ANKS1B: variants seen among roughly 807,000 people sequenced by gnomAD.
ANKS1B encodes ankyrin repeat and sterile alpha motif domain-containing protein 1B.
Under a neutral mutation model 148.3 loss-of-function variants are expected in ANKS1B, and 36 were observed. That is an observed-to-expected ratio of 0.24 (90% CI 0.19 to 0.32). The LOEUF is 0.32. ANKS1B is among the 10% of genes least tolerant of loss of function. ANKS1B has a pLI of 1.00. For missense variants in ANKS1B, 1,157 were observed against 1,542.6 expected (o/e 0.75, Z 4.19); for synonymous variants, 542 against 560.8 (o/e 0.97, Z 0.47).
intron 15 of ANKS1B, among the ~76,000 whole-genome samples, chr12:99,092,630 G>T (rs1035084021): frequency 5.3e-5 from 8 of 152,148 alleles, no homozygotes; most frequent in African/African-American, 1.9e-4. Flanking sequence ...CTCCGAACAG[G>T]CAGGGAACAT....
chr12:98,933,288 G>A (rs2099815377), intron 17 of ANKS1B, among the ~76,000 whole-genome samples: 1 of 152,056 alleles, frequency 6.6e-6, no homozygotes, highest in Non-Finnish European at 1.5e-5. Flanking sequence ...ATGTCCTCAA[G>A]GTTCATCTGT....
At chr12:99,057,140 G>T (rs1468333092) in intron 16 of ANKS1B, among the ~76,000 whole-genome samples, 1 of 152,154 alleles carries the variant, frequency 6.6e-6, no homozygotes, top group Non-Finnish European at 1.5e-5. Context: ...TTTGGAATAT[G>T]ACATTCCCAG....
intron 14 of ANKS1B, among the ~76,000 whole-genome samples, chr12:99,235,550 G>A (rs1187104667): frequency 2.0e-5 from 3 of 152,142 alleles, no homozygotes; most frequent in African/African-American, 2.4e-5. Flanking sequence ...AAAGAATTAC[G>A]TGGCAACATA....
intron 19 of ANKS1B, among the ~76,000 whole-genome samples, chr12:98,815,481 T>C (rs2099131916): frequency 6.6e-6 from 1 of 152,214 alleles, no homozygotes; most frequent in Non-Finnish European, 1.5e-5. Flanking sequence ...TCTCTTCCAG[T>C]TGTGACTCCC....
At chr12:98,965,994 A>C (rs2099877519) in intron 17 of ANKS1B, among the ~76,000 whole-genome samples, 1 of 152,214 alleles carries the variant, frequency 6.6e-6, no homozygotes, top group Non-Finnish European at 1.5e-5. Context: ...ATGGGCAAGG[A>C]CTTCATGTCT....
chr12:99,698,988 G>A (rs1484528040), intron 8 of ANKS1B, among the ~76,000 whole-genome samples: 1 of 152,166 alleles, frequency 6.6e-6, no homozygotes, highest in Admixed American at 6.5e-5. Context: ...GCACGCACGT[G>A]CGCAAGCACA....
chr12:99,060,985 G>A (rs1407405711), intron 16 of ANKS1B, among the ~76,000 whole-genome samples: 20 of 152,132 alleles, frequency 1.3e-4, no homozygotes, highest in Non-Finnish European at 1.5e-5. Flanking sequence ...AAGAGGATAA[G>A]GAACCCTGAA....
intron 1 of ANKS1B, among the ~76,000 whole-genome samples, chr12:99,840,631 G>A (rs1183120158): frequency 4.6e-5 from 7 of 152,126 alleles, no homozygotes; most frequent in African/African-American, 1.7e-4. Context: ...CTGACAAATT[G>A]TGACGTGCAA....
rs2095751409 is a variant in ANKS1B, at chr12:99,984,350, G to A, written c.-113C>T. ...TTCGCCCCACCCTAAAATAATGCAA[G>A]AGCTTCAGCACGGAGAGCTCCCTGC... On this transcript the variant is annotated 5_prime_UTR_variant, in exon 1 of 27. Coordinates refer to ENST00000683438, the MANE Select transcript of ANKS1B (RefSeq NM_001352186.2). 1 of 776,544 alleles carries A rather than the reference G, an allele frequency of 1.3e-6. No individual in the cohort carries two copies. The highest frequency in any genetic ancestry group is 1.8e-6 in the Non-Finnish European group (1 of 543,002). 48.1% of individuals were successfully genotyped at this position (776,544 alleles called of 1,614,324 possible).
chr12:99,245,682 A>G (rs955126861), intron 13 of ANKS1B, among the ~76,000 whole-genome samples: 3 of 152,232 alleles, frequency 2.0e-5, no homozygotes, highest in Non-Finnish European at 4.4e-5. Flanking sequence ...TGAAATACCA[A>G]GAGAGACTGT....
intron 1 of ANKS1B, among the ~76,000 whole-genome samples, chr12:99,870,135 T>C (rs752978262): frequency 6.8e-4 from 103 of 152,280 alleles, no homozygotes; most frequent in Middle Eastern, 3.4e-3. Flanking sequence ...ATTGTTGCAA[T>C]CTCTACGTCC....
chr12:99,933,775 G>A (rs2094687140), intron 1 of ANKS1B, among the ~76,000 whole-genome samples: 1 of 152,042 alleles, frequency 6.6e-6, no homozygotes, highest in African/African-American at 2.4e-5. Context: ...GCAGTACCAT[G>A]TTGAATAACA....
At chr12:99,286,061 A>G (rs1423677638) in intron 12 of ANKS1B, among the ~76,000 whole-genome samples, 1 of 151,908 alleles carries the variant, frequency 6.6e-6, no homozygotes, top group East Asian at 2.0e-4. Context: ...CAACCTAGTG[A>G]GATGCCAACC....
chr12:99,033,409 C>T (rs2099953524), intron 17 of ANKS1B, among the ~76,000 whole-genome samples: 1 of 152,092 alleles, frequency 6.6e-6, no homozygotes, highest in Non-Finnish European at 1.5e-5. Flanking sequence ...TGTAATGTGC[C>T]ATTTATACTC....
intron 1 of ANKS1B, among the ~76,000 whole-genome samples, chr12:99,907,814 A>G: frequency 3.8e-5 from 1 of 26,280 alleles, no homozygotes; most frequent in East Asian, 2.5e-4. Flanking sequence ...GAAATTCTTA[A>G]AAAAAAAAAA....
chr12:99,154,558 G>A (rs1467953452), intron 14 of ANKS1B, 163 bp from the exon 15 acceptor site: 2 of 1,546,696 alleles, frequency 1.3e-6, no homozygotes, highest in Non-Finnish European at 1.7e-6. Flanking sequence ...CAGCGAGAGA[G>A]CAAAGTCAGA....
chr12:99,091,366 A>G (rs888799728), intron 15 of ANKS1B, among the ~76,000 whole-genome samples: 1 of 152,214 alleles, frequency 6.6e-6, no homozygotes, highest in Non-Finnish European at 1.5e-5. Context: ...TTTATTTGTT[A>G]AAGTATCGAG....
At chr12:99,711,234 T>G (rs1342169401) in intron 8 of ANKS1B, among the ~76,000 whole-genome samples, 1 of 152,226 alleles carries the variant, frequency 6.6e-6, no homozygotes, top group African/African-American at 2.4e-5. Context: ...GAATGCACCA[T>G]GCTAATGTTA....
intron 9 of ANKS1B, among the ~76,000 whole-genome samples, chr12:99,592,637 A>C (rs1044569262): frequency 1.3e-5 from 2 of 152,168 alleles, no homozygotes; most frequent in African/African-American, 4.8e-5. Context: ...TAACGAGAAA[A>C]GAAAAAGAAT....
Sources: allele counts gnomAD v4.1 joint callset (sites outside exome capture counted in the v4.1 genomes callset), GRCh38; gene constraint gnomAD v4.1.1; transcripts MANE v1.5; gene names NCBI Gene and HGNC (gene_info 2026-07-23, HGNC 2026-07-21).